FAM83A: variants seen among roughly 807,000 people sequenced by gnomAD.
FAM83A encodes scaffolding CK1 anchoring protein A, also known as protein FAM83A.
Under a neutral mutation model 24.4 loss-of-function variants are expected in FAM83A, and 21 were observed. That is an observed-to-expected ratio of 0.86 (90% confidence interval 0.61 to 1.24). The LOEUF is 1.24. Among genes scored for constraint, FAM83A ranks in the 50% most tolerant of loss-of-function variants. The pLI, the probability that FAM83A is intolerant of heterozygous loss-of-function variation, is 0.00. For missense variants in FAM83A, 617 were observed against 579.8 expected, an observed-to-expected ratio of 1.06 and a Z score of -0.66; for synonymous variants, 270 against 252.4, an observed-to-expected ratio of 1.07 and a Z score of -0.66.
In FAM83A at chr8:123,207,595, C is replaced by G; in HGVS notation, c.1212C>G (p.Tyr404Ter). 6.4e-7 allele frequency: 1 copy of G among 1,569,844 alleles called. No homozygotes were observed. Among genetic ancestry groups the G allele is most frequent in the Non-Finnish European group, 8.6e-7 (1 of 1,163,800 alleles). ...CTGTCTACAGCAACCTGGGGGCCTA[C>G]AGGCCCACGCGGCTGCAGCTGGAGC... Residue 404 changes from tyrosine to a stop codon, truncating the protein, a stop_gained, in exon 4 of 4, where the codon TAC becomes TAG. Coordinates refer to ENST00000690554, the Ensembl canonical transcript of FAM83A. LOFTEE classifies it high-confidence loss of function.
chr8:123,187,892 G>A lies in FAM83A; in HGVS notation c.481-3911G>A, dbSNP rs938042264. ...TTTTATTTTTCTGAGACTGAGTCTC[G>A]CTCTGTTGCCCAGGCTGGAGTGCAA... On this transcript the variant is annotated intron_variant, in intron 1 of 3. Coordinates refer to ENST00000690554, the Ensembl canonical transcript of FAM83A. Among the ~76,000 whole-genome samples the A allele has an allele frequency of 3.3e-5, 5 of 151,362 alleles. No individual in the cohort carries two copies. In the East Asian group the frequency reaches 5.8e-4, roughly 18 times the overall value.
intron 1 of FAM83A, among the ~76,000 whole-genome samples, chr8:123,188,166 C>G (rs1823864968): frequency 6.6e-6 from 1 of 151,992 alleles, no homozygotes; most frequent in South Asian, 2.1e-4. Flanking sequence ...TGAGCCACTG[C>G]ACGCTTCTGG....
chr8:123,209,533 T>C lies in FAM83A; in HGVS notation c.*1845T>C, dbSNP rs1012170741. The C allele has an allele frequency of 6.2e-7, 1 of 1,614,068 alleles. No homozygotes were observed. The highest frequency in any genetic ancestry group is 8.5e-7 in the Non-Finnish European group (1 of 1,179,988). ...ACCTTGTTGTTTCACAGCTGACGGCTGAGATGAGGTTAGAATGACTGGGCC... is the reference window on the plus strand; with the variant it reads ...ACCTTGTTGTTTCACAGCTGACGGCCGAGATGAGGTTAGAATGACTGGGCC... On this transcript the variant is annotated 3_prime_UTR_variant, in exon 4 of 4. Transcript: ENST00000690554. The surrounding 1 kb of genome is among the most constrained non-coding windows in gnomAD (Gnocchi z 4.7).
exon 4 of FAM83A, chr8:123,208,639 G>A: frequency 1.0e-6 from 1 of 985,482 alleles, no homozygotes; most frequent in Non-Finnish European, 1.2e-6. Flanking sequence ...TTGTTTCTGG[G>A]GTGGAACTAG....
At chr8:123,190,154 C>A (rs1365555061) in intron 1 of FAM83A, among the ~76,000 whole-genome samples, 2 of 146,590 alleles carry the variant, frequency 1.4e-5, no homozygotes, top group Non-Finnish European at 3.0e-5. Context: ...TAGTGAAACC[C>A]CATGTCTACA....
rs201762275 is a variant in FAM83A at position 123,207,422 on chromosome 8, C to T, written c.1039C>T (p.Arg347Ter). ...CTCGGCAGGCAGCCACCCCGGTACC[C>T]GAAGTGTGTCCGCGTCTTCAGGGCC... The change falls in exon 4 of 4, where the codon CGA becomes TGA. Residue 347 changes from arginine (R) to a stop codon, truncating the protein, a stop_gained. Coordinates refer to ENST00000690554, the Ensembl canonical transcript of FAM83A. LOFTEE classifies it low-confidence loss of function (END_TRUNC). 2.7e-3 allele frequency: 4,269 copies of T among 1,609,882 alleles called. 15 individuals carry two copies. The highest frequency in any genetic ancestry group is 3.1e-3 in the Non-Finnish European group (3,603 of 1,179,284).
intron 3 of FAM83A, among the ~76,000 whole-genome samples, chr8:123,205,671 GCGACCATTCCCC>G (rs1824526763): frequency 2.0e-5 from 3 of 151,956 alleles, no homozygotes; most frequent in Non-Finnish European, 4.4e-5. Context: ...TCCCGGCTCG[GCGACCATTCCCC>G]CGACCATCCT....
chr8:123,180,980 G>C (rs1035085643), upstream of FAM83A, among the ~76,000 whole-genome samples: 5 of 151,940 alleles, frequency 3.3e-5, no homozygotes, highest in African/African-American at 9.7e-5. Context: ...GTTTCGCTCT[G>C]TTGCCCAGGC....
intron 1 of FAM83A, among the ~76,000 whole-genome samples, chr8:123,191,422 G>C (rs1402655959): frequency 6.6e-6 from 1 of 152,162 alleles, no homozygotes; most frequent in East Asian, 1.9e-4. Flanking sequence ...AGCTCCAAGT[G>C]GCTGAGAATC....
At chr8:123,204,767 A>G (rs11782352) in intron 3 of FAM83A, among the ~76,000 whole-genome samples, 4,929 of 151,050 alleles carry the variant, frequency 0.033, 306 homozygotes, top group East Asian at 0.31. Context: ...TCTCAAATAA[A>G]AAAAAAAGAA....
At chr8:123,195,424 C>A (rs1586782656) in intron 3 of FAM83A, among the ~76,000 whole-genome samples, 2 of 152,306 alleles carry the variant, frequency 1.3e-5, no homozygotes, top group Non-Finnish European at 2.9e-5. Flanking sequence ...AAAACCCCTA[C>A]ATTTAAAATG....
At chr8:123,208,730 T>TCATG (rs896819078) in exon 4 of FAM83A, 1 of 985,382 alleles carries the variant, frequency 1.0e-6, no homozygotes, top group African/African-American at 1.7e-5. Flanking sequence ...GCGTGGTGGC[T>TCATG]CATGCCTGTA....
At chr8:123,205,535 T>G (rs1824520396) in intron 3 of FAM83A, among the ~76,000 whole-genome samples, 2 of 152,220 alleles carry the variant, frequency 1.3e-5, no homozygotes, top group Admixed American at 1.3e-4. Flanking sequence ...CCGCCCTGCC[T>G]CACAGAGCAG....
exon 4 of FAM83A, chr8:123,208,664 G>A: frequency 1.0e-6 from 1 of 985,514 alleles, no homozygotes; most frequent in Non-Finnish European, 1.2e-6. Flanking sequence ...TGAGGGCACA[G>A]CCTAGCTGAG....
intron 3 of FAM83A, among the ~76,000 whole-genome samples, chr8:123,199,419 G>A (rs1377937244): frequency 3.3e-5 from 5 of 152,178 alleles, no homozygotes; most frequent in Non-Finnish European, 1.5e-5. Flanking sequence ...TCACTTTCCA[G>A]TGGGTTTCTG....
At chr8:123,179,283 T>C (rs1823538774), upstream of FAM83A, 1 of 152,154 alleles carries the variant, frequency 6.6e-6, no homozygotes, top group African/African-American at 2.4e-5. Flanking sequence ...CCTCATGTAT[T>C]CATGAGATTA....
Position 123,200,223 on chromosome 8 carries a change from A to G in FAM83A, c.773+6075A>G, listed in dbSNP as rs1320605438. ...TATAGCAAAGTGGATCCAACCCATT[A>G]CAGTAGGGAGGTTCTGCTTGTGGAG... On this transcript the variant is annotated intron_variant, in intron 3 of 3. Coordinates refer to ENST00000690554, the Ensembl canonical transcript of FAM83A. Among the ~76,000 whole-genome samples the G allele has an allele frequency of 2.0e-5, 3 of 152,176 alleles. No homozygotes were observed. The East Asian group carries it at 5.8e-4, about 29-fold the overall frequency.
chr8:123,199,335 A>G (rs1824268903), intron 3 of FAM83A, among the ~76,000 whole-genome samples: 3 of 152,238 alleles, frequency 2.0e-5, no homozygotes, highest in African/African-American at 7.2e-5. Flanking sequence ...TTTACCAGGC[A>G]GGCCGTGATT....
At chr8:123,183,042 C>T in exon 1 of FAM83A, 1 of 1,611,870 alleles carries the variant, frequency 6.2e-7, no homozygotes, top group East Asian at 2.2e-5. Context: ...AGGTGGACTT[C>T]TTGTCCTCGG....
Sources: gnomAD v4.1 joint callset for allele counts (sites outside exome capture counted in the v4.1 genomes callset) on GRCh38, gnomAD v4.1.1 for gene constraint, Gnocchi (gnomAD v3.1) non-coding constraint, MANE v1.5 for transcripts, NCBI Gene and HGNC (gene_info 2026-07-23, HGNC 2026-07-21) for gene names.